The following NFIL3 variants were observed in gnomAD, a reference collection of about 807,000 sequenced individuals.
NFIL3 encodes the protein nuclear factor, interleukin 3 regulated.
A neutral mutation model predicts 10.0 loss-of-function variants in NFIL3; 5 were observed. The ratio of observed to expected loss-of-function variants is 0.50; its 90% CI spans 0.26 to 1.06. The LOEUF (loss-of-function observed/expected upper bound fraction) is 1.06. Among genes scored for constraint, NFIL3 ranks in the 50% least tolerant of loss-of-function variants. The pLI is 0.13. For missense variants in NFIL3, 436 were observed against 547.6 expected (o/e 0.80, Z 2.03); for synonymous variants, 202 against 206.5 (o/e 0.98, Z 0.19).
At chr9:91,435,661 A>C in the NFIL3 span, among the ~76,000 whole-genome samples, 1 of 152,322 alleles carries the variant, frequency 6.6e-6, no homozygotes, top group East Asian at 1.9e-4. Flanking sequence ...TGAAGTGAGG[A>C]CTATGATTTT....
At chr9:91,462,924 T>G in the NFIL3 span, among the ~76,000 whole-genome samples, 1 of 151,964 alleles carries the variant, frequency 6.6e-6, no homozygotes, top group African/African-American at 2.4e-5. Flanking sequence ...GTTTTGGTAG[T>G]TTATGTCTTT....
chr9:91,441,295 T>C, the NFIL3 span, among the ~76,000 whole-genome samples: 2 of 152,138 alleles, frequency 1.3e-5, no homozygotes, highest in African/African-American at 2.4e-5. Flanking sequence ...TGATTTGAAG[T>C]ATATTTAATT....
At chr9:91,440,523 A>G in the NFIL3 span, among the ~76,000 whole-genome samples, 2 of 151,046 alleles carry the variant, frequency 1.3e-5, no homozygotes, top group South Asian at 2.1e-4. Context: ...TCTGATCTTT[A>G]TTGTTTCCTT....
chr9:91,472,156 C>T, the NFIL3 span, among the ~76,000 whole-genome samples: 3 of 152,110 alleles, frequency 2.0e-5, no homozygotes, highest in South Asian at 2.1e-4. Flanking sequence ...TCATTTCAAC[C>T]TTGGTGAATC....
upstream of NFIL3, among the ~76,000 whole-genome samples, chr9:91,424,314 C>G (rs1833838765): frequency 1.3e-5 from 2 of 152,220 alleles, no homozygotes; most frequent in African/African-American, 4.8e-5. Flanking sequence ...GCTGGGCTAC[C>G]TGTTGCCGAC....
the NFIL3 span, among the ~76,000 whole-genome samples, chr9:91,443,111 A>G: frequency 1.6e-3 from 251 of 152,220 alleles, no homozygotes; most frequent in African/African-American, 5.7e-3. Flanking sequence ...CTCTCAGTAG[A>G]GAGGAGACCC....
In NFIL3 at chr9:91,410,298, G is replaced by C. The variant is rs776252677; in HGVS notation, c.437C>G (p.Ala146Gly). 16 of 1,614,058 alleles carry C rather than the reference G, an allele frequency of 9.9e-6. No homozygotes were observed. The highest frequency in any genetic ancestry group is 1.1e-5 in the South Asian group (1 of 91,090). The change falls in exon 2 of 2, where the codon GCT becomes GGT. Residue 146 changes from alanine to glycine, a missense_variant. Transcript: ENST00000297689. The surrounding 1 kb of genome is among the most constrained non-coding windows in gnomAD (Gnocchi z 5.7). ...QEIQKLSNST[A>G]VYFQDYQTSK... is the part of the protein sequence containing the mutation. ...AGTCTGGTAATCTTGAAAGTACACA[G>C]CTGTAGAATTACTGAGTTTCTGAAT... is the stretch of plus-strand genomic sequence containing the variant.
At chr9:91,420,352 T>TACTCACACACACAC (rs1554727360) in intron 1 of NFIL3, among the ~76,000 whole-genome samples, 1 of 144,394 alleles carries the variant, frequency 6.9e-6, no homozygotes, top group Non-Finnish European at 1.5e-5. Flanking sequence ...TGAAGGTAAA[T>TACTCACACACACAC]ACACACACAC....
the NFIL3 span, among the ~76,000 whole-genome samples, chr9:91,466,417 T>C: frequency 6.6e-6 from 1 of 152,152 alleles, no homozygotes; most frequent in African/African-American, 2.4e-5. Context: ...GCTAAGACTG[T>C]ATGACCTGTT....
the NFIL3 span, among the ~76,000 whole-genome samples, chr9:91,477,782 G>A: frequency 6.6e-6 from 1 of 152,086 alleles, no homozygotes; most frequent in Admixed American, 6.5e-5. Context: ...CAAAAGTGGG[G>A]AGATTGAGCA....
chr9:91,438,424 C>T, the NFIL3 span, among the ~76,000 whole-genome samples: 1 of 151,874 alleles, frequency 6.6e-6, no homozygotes, highest in Non-Finnish European at 1.5e-5. Context: ...TTATCAGATA[C>T]AGGGTATACA....
At chr9:91,429,853 C>G in the NFIL3 span, among the ~76,000 whole-genome samples, 1 of 151,932 alleles carries the variant, frequency 6.6e-6, no homozygotes, top group African/African-American at 2.4e-5. Context: ...TGCTGAAGAC[C>G]CAGATACAGA....
the NFIL3 span, among the ~76,000 whole-genome samples, chr9:91,479,644 G>A: frequency 6.6e-6 from 1 of 152,182 alleles, no homozygotes; most frequent in Admixed American, 6.5e-5. Context: ...CCCCTTTCCA[G>A]GGGAGTGAAC....
chr9:91,411,094 C>T lies in NFIL3; in HGVS notation c.-172-188G>A, dbSNP rs189855078. ...GTTCCCAAATACCTAAACTATAAAG[C>T]TGTAAAGGACAAATCCCTAATGAGG... On this transcript the variant is annotated intron_variant, in intron 1 of 1. Coordinates refer to ENST00000297689, the MANE Select transcript of NFIL3 (RefSeq NM_005384.3). 1.1e-4 allele frequency among the ~76,000 whole-genome samples: 17 copies of T among 152,268 alleles called. No individual in the cohort carries two copies. The East Asian group carries it at 3.1e-3, about 28-fold the overall frequency.
the NFIL3 span, among the ~76,000 whole-genome samples, chr9:91,483,489 C>T: frequency 6.6e-6 from 1 of 152,238 alleles, no homozygotes; most frequent in South Asian, 2.1e-4. Context: ...AATGAGGACA[C>T]GAGGAACTGG....
At chr9:91,465,911 G>A in the NFIL3 span, among the ~76,000 whole-genome samples, 2 of 152,004 alleles carry the variant, frequency 1.3e-5, no homozygotes, top group African/African-American at 2.4e-5. Flanking sequence ...TGAGTCTTGT[G>A]GTTCTTTTAG....
the NFIL3 span, among the ~76,000 whole-genome samples, chr9:91,462,485 A>T: frequency 6.6e-6 from 1 of 152,080 alleles, no homozygotes; most frequent in Non-Finnish European, 1.5e-5. Flanking sequence ...CGTTGATATG[A>T]TGTATTACAT....
chr9:91,451,797 G>C, the NFIL3 span, among the ~76,000 whole-genome samples: 1 of 152,140 alleles, frequency 6.6e-6, no homozygotes, highest in East Asian at 1.9e-4. Flanking sequence ...GGGAAAACAG[G>C]ATATCCACGC....
At chr9:91,441,420 G>T in the NFIL3 span, among the ~76,000 whole-genome samples, 1 of 152,032 alleles carries the variant, frequency 6.6e-6, no homozygotes, top group Non-Finnish European at 1.5e-5. Context: ...TGGGTCTGTC[G>T]TAGGAAGCAT....
Sources: gnomAD v4.1 joint callset for allele counts (sites outside exome capture counted in the v4.1 genomes callset) on GRCh38, gnomAD v4.1.1 for gene constraint, Gnocchi (gnomAD v3.1) non-coding constraint, MANE v1.5 for transcripts, NCBI Gene and HGNC (gene_info 2026-07-23, HGNC 2026-07-21) for gene names.